Variants in CMSS1 observed in about 807,000 individuals in gnomAD.
The protein encoded by CMSS1 is protein CMSS1.
CMSS1 carries 33 observed loss-of-function variants against 43.5 expected under a neutral mutation model. The observed-to-expected ratio is 0.76, with a 90% CI of 0.57 to 1.01. The LOEUF is 1.01. CMSS1 is among the 50% of genes least tolerant of loss of function. CMSS1 has a pLI of 0.00. For missense variants in CMSS1, 313 were observed against 326.4 expected (o/e 0.96, Z 0.32); for synonymous variants, 115 against 117.2 (o/e 0.98, Z 0.12).
At chr3:99,893,122 T>A (rs192533250) in intron 1 of CMSS1, among the ~76,000 whole-genome samples, 2 of 151,880 alleles carry the variant, frequency 1.3e-5, no homozygotes, top group Non-Finnish European at 2.9e-5. Context: ...CTTTCTGCTT[T>A]CAGGTATCTC....
intron 1 of CMSS1, among the ~76,000 whole-genome samples, chr3:100,013,054 G>T (rs938907724): frequency 6.6e-6 from 1 of 151,542 alleles, no homozygotes; most frequent in South Asian, 2.1e-4. Flanking sequence ...TGTTTGTTTT[G>T]TTTGGAGAGA....
intron 1 of CMSS1, among the ~76,000 whole-genome samples, chr3:99,871,875 T>A (rs1258366516): frequency 1.3e-5 from 2 of 152,184 alleles, no homozygotes; most frequent in East Asian, 3.8e-4. Flanking sequence ...CTTTCCTCCC[T>A]TTATCACCTC....
intron 1 of CMSS1, among the ~76,000 whole-genome samples, chr3:99,927,097 C>CAA (rs1380149882): frequency 6.6e-6 from 1 of 152,206 alleles, no homozygotes; most frequent in African/African-American, 2.4e-5. Context: ...CACTGGACTT[C>CAA]AGGCAGTTCT....
At chr3:99,872,322 T>A (rs909997878) in intron 1 of CMSS1, among the ~76,000 whole-genome samples, 6 of 141,116 alleles carry the variant, frequency 4.3e-5, no homozygotes, top group South Asian at 4.5e-4. Flanking sequence ...TGTGTGTGTG[T>A]GACTGTGGGG....
intron 1 of CMSS1, among the ~76,000 whole-genome samples, chr3:99,886,565 G>A (rs191266373): frequency 1.3e-5 from 2 of 152,088 alleles, no homozygotes; most frequent in African/African-American, 4.8e-5. Flanking sequence ...CCAGATTTTG[G>A]GGGGGTAGAT....
At position 99,849,690 on chromosome 3, in the gene CMSS1, C is replaced by T. The variant is rs774173611; in HGVS notation, c.64+31647C>T. The T allele has an allele frequency of 1.9e-6, 3 of 1,613,546 alleles. No homozygotes were observed. In the Admixed American group the frequency reaches 5.0e-5, roughly 27 times the overall value. On this transcript the variant is annotated intron_variant, in intron 1 of 9. Transcript: ENST00000421999. ...GAGCTTTGTCTCGTTCATTAGCATA[C>T]CTTCGTTCTAGAGTCTCATATTCAT... is the stretch of plus-strand genomic sequence containing the variant.
At chr3:100,023,794 C>G (rs1199485515) in intron 1 of CMSS1, among the ~76,000 whole-genome samples, 1 of 152,200 alleles carries the variant, frequency 6.6e-6, no homozygotes, top group African/African-American at 2.4e-5. Flanking sequence ...GCATGTCTTA[C>G]TCTCAGGAAA....
At chr3:100,006,366 C>T (rs886852453) in intron 1 of CMSS1, among the ~76,000 whole-genome samples, 2 of 152,046 alleles carry the variant, frequency 1.3e-5, no homozygotes, top group Non-Finnish European at 2.9e-5. Context: ...TAGGTACTTC[C>T]TTTGAATACC....
intron 1 of CMSS1, among the ~76,000 whole-genome samples, chr3:99,983,653 G>A (rs912286772): frequency 1.4e-5 from 2 of 146,562 alleles, no homozygotes; most frequent in African/African-American, 5.1e-5. Flanking sequence ...TGGTGCCACT[G>A]CACTCCAGCC....
At chr3:99,906,520 T>TTATTTCAA (rs1706623581) in intron 1 of CMSS1, among the ~76,000 whole-genome samples, 1 of 152,238 alleles carries the variant, frequency 6.6e-6, no homozygotes, top group Non-Finnish European at 1.5e-5. Context: ...CATAACTTAT[T>TTATTTCAA]TATTTCAATA....
chr3:99,853,949 T>G (rs1163016573), intron 1 of CMSS1, among the ~76,000 whole-genome samples: 1 of 152,204 alleles, frequency 6.6e-6, no homozygotes, highest in African/African-American at 2.4e-5. Context: ...ATGGAATCTT[T>G]TCAGAGCCAG....
chr3:100,010,201 T>C (rs1450907237), intron 1 of CMSS1: 6 of 847,112 alleles, frequency 7.1e-6, no homozygotes, highest in African/African-American at 1.8e-5. Context: ...GCTATTTTTA[T>C]CAAATGATGT....
intron 1 of CMSS1, chr3:99,964,321 C>T (rs1708581958): frequency 6.7e-6 from 1 of 149,156 alleles, no homozygotes; most frequent in Non-Finnish European, 1.5e-5. Flanking sequence ...CTCCCTAGCC[C>T]AGTACAAGGC....
At chr3:99,841,753 C>A (rs1943141904) in intron 1 of CMSS1, among the ~76,000 whole-genome samples, 1 of 152,148 alleles carries the variant, frequency 6.6e-6, no homozygotes, top group Non-Finnish European at 1.5e-5. Context: ...CACTAATTAT[C>A]AGGGAAATGC....
chr3:99,986,012 C>G (rs765539182), intron 1 of CMSS1, among the ~76,000 whole-genome samples: 4 of 152,190 alleles, frequency 2.6e-5, no homozygotes, highest in Non-Finnish European at 5.9e-5. Context: ...TAATGAGATA[C>G]AGTTTGCACG....
Position 100,180,912 on chromosome 3 carries a change from G to A in CMSS1, c.*2524G>A, listed in dbSNP as rs1029591058. 9.8e-5 allele frequency: 15 copies of A among 152,304 alleles called. No individual in the cohort carries two copies. The highest frequency in any genetic ancestry group is 3.6e-4 in the African/African-American group (15 of 41,548). The allele number at this position is 152,304 out of a possible 1,614,324, so 9.4% of individuals were successfully genotyped here. Reference sequence around the variant, plus strand: ...TGAAAAGAGGTTTAATTGACTTCCAGTTCCACAGACTGTACAGGAGGATGG... The same window carrying A: ...TGAAAAGAGGTTTAATTGACTTCCAATTCCACAGACTGTACAGGAGGATGG... On this transcript the variant is annotated 3_prime_UTR_variant, in exon 10 of 10. Coordinates refer to ENST00000421999, the MANE Select transcript of CMSS1 (RefSeq NM_032359.4).
At chr3:99,936,396 G>A (rs1387746861) in intron 1 of CMSS1, among the ~76,000 whole-genome samples, 9 of 74,700 alleles carry the variant, frequency 1.2e-4, no homozygotes, top group African/African-American at 4.9e-4. Context: ...TTTTTTTTGT[G>A]ACAGCATCTC....
chr3:99,822,692 A>G (rs1186272839), intron 1 of CMSS1, among the ~76,000 whole-genome samples: 1 of 152,196 alleles, frequency 6.6e-6, no homozygotes, highest in Non-Finnish European at 1.5e-5. Context: ...AGGTCGTGCC[A>G]CTGCACTCCA....
chr3:99,929,309 C>T (rs1158554268), intron 1 of CMSS1, among the ~76,000 whole-genome samples: 3 of 152,158 alleles, frequency 2.0e-5, no homozygotes, highest in African/African-American at 7.2e-5. Flanking sequence ...TCTTTGCTGT[C>T]ATTAAACTTT....
Sources: allele counts gnomAD v4.1 joint callset (sites outside exome capture counted in the v4.1 genomes callset), GRCh38; gene constraint gnomAD v4.1.1; transcripts MANE v1.5; gene names NCBI Gene and HGNC (gene_info 2026-07-23, HGNC 2026-07-21).